Variants in DHX15 observed in about 807,000 individuals in gnomAD.
The protein encoded by DHX15 is ATP-dependent RNA helicase DHX15.
DHX15 carries 11 observed loss-of-function variants against 94.4 expected under a neutral mutation model. That is an observed-to-expected ratio of 0.12 (90% CI 0.07 to 0.19). The LOEUF (loss-of-function observed/expected upper bound fraction) is 0.19, where lower values mean the gene tolerates loss of function less well. Among genes scored for constraint, DHX15 ranks in the 10% least tolerant of loss-of-function variants. The pLI is 1.00. For missense variants in DHX15, 304 were observed against 988.5 expected, an observed-to-expected ratio of 0.31 and a Z score of 9.29; for synonymous variants, 338 against 329.9, an observed-to-expected ratio of 1.02 and a Z score of -0.27.
chr4:24,584,469 T>TA lies in DHX15; in HGVS notation c.-77dup. 1 of 1,432,176 alleles carries TA rather than the reference T, an allele frequency of 7.0e-7. No homozygotes were observed. The highest frequency in any genetic ancestry group is 1.2e-5 in the South Asian group (1 of 81,264). 88.7% of individuals were successfully genotyped at this position (1,432,176 alleles called of 1,614,324 possible). A position where few individuals can be genotyped will look rare whatever the true frequency, so the allele number is the denominator to read the frequency against. ...ATGGGCACAGTCGAGGACAGCCACTTAACTCTGGAGGACCCCCACCCCTCC... is the reference window on the plus strand; with the variant it reads ...ATGGGCACAGTCGAGGACAGCCACTTAAACTCTGGAGGACCCCCACCCCTCC... On this transcript the variant is annotated 5_prime_UTR_variant, in exon 1 of 14. Coordinates refer to ENST00000336812, the MANE Select transcript of DHX15 (RefSeq NM_001358.3).
intron 12 of DHX15, 30 bp downstream of exon 12, chr4:24,532,834 T>C: frequency 2.0e-6 from 3 of 1,493,040 alleles, no homozygotes; most frequent in East Asian, 2.3e-5. Flanking sequence ...TATGAATACT[T>C]AGTTATTCAT....
chr4:24,568,123 A>T (rs1003141964), intron 3 of DHX15, among the ~76,000 whole-genome samples: 5 of 152,208 alleles, frequency 3.3e-5, no homozygotes, highest in Admixed American at 3.3e-4. Context: ...AAATGCTCTC[A>T]AACTATGGTT....
At chr4:24,584,166 G>A in intron 1 of DHX15, 157 bp downstream of exon 1, 1 of 757,536 alleles carries the variant, frequency 1.3e-6, no homozygotes, top group East Asian at 2.9e-5. Context: ...GGCCGAACGG[G>A]CGCCGCGCTT....
intron 2 of DHX15, among the ~76,000 whole-genome samples, chr4:24,573,230 G>A (rs1249310399): frequency 6.6e-6 from 1 of 152,164 alleles, no homozygotes; most frequent in Non-Finnish European, 1.5e-5. Flanking sequence ...TTATTCTAAA[G>A]CCATTCCTCC....
At chr4:24,582,947 G>A (rs150555735) in intron 1 of DHX15, among the ~76,000 whole-genome samples, 1 of 152,268 alleles carries the variant, frequency 6.6e-6, no homozygotes, top group African/African-American at 2.4e-5. Context: ...AAATTAAAAT[G>A]TGACATGCTT....
At chr4:24,540,752 AAT>A (rs1721292644) in intron 9 of DHX15, 86 bp downstream of exon 9, 5 of 701,310 alleles carry the variant, frequency 7.1e-6, no homozygotes, top group Non-Finnish European at 1.2e-5. Flanking sequence ...AAATGTATTT[AAT>A]ACATATATTA....
chr4:24,553,265 G>A lies in DHX15; in HGVS notation c.1080+1460C>T, dbSNP rs953442641. Among the ~76,000 whole-genome samples, 6 of 152,266 alleles carry A rather than the reference G, an allele frequency of 3.9e-5. No homozygotes were observed. The East Asian group carries it at 5.8e-4, about 15-fold the overall frequency. On this transcript the variant is annotated intron_variant, in intron 5 of 13. Coordinates refer to ENST00000336812, the MANE Select transcript of DHX15 (RefSeq NM_001358.3). ...GAACCTGGGAGGCAGAGGTTGCGGT[G>A]AGCCGAGATCGCGCCACTGCACTCC...
chr4:24,559,508 T>TA (rs1721817480), intron 3 of DHX15, among the ~76,000 whole-genome samples: 1 of 151,912 alleles, frequency 6.6e-6, no homozygotes, highest in Admixed American at 6.5e-5. Flanking sequence ...GCACTGGAGA[T>TA]AAAAACTACA....
intron 5 of DHX15, among the ~76,000 whole-genome samples, chr4:24,552,787 A>G (rs1721635656): frequency 1.3e-5 from 2 of 152,218 alleles, no homozygotes; most frequent in Admixed American, 1.3e-4. Flanking sequence ...GGTATGCAAA[A>G]AAACAGCTGA....
At chr4:24,552,411 TC>T (rs1297500485) in intron 5 of DHX15, among the ~76,000 whole-genome samples, 1 of 152,248 alleles carries the variant, frequency 6.6e-6, no homozygotes, top group African/African-American at 2.4e-5. Context: ...CTAATTACTA[TC>T]TAGGCAACAC....
chr4:24,537,342 C>A lies in DHX15; in HGVS notation c.1787-169G>T, dbSNP rs1051562603. On this transcript the variant is annotated intron_variant, in intron 10 of 13. Transcript: ENST00000336812. This position sits in a 1 kb window ranked among gnomAD's most constrained non-coding sequence, Gnocchi z 4.7. ...ACTACCTTGATTTGGTACATCAACA[C>A]CTAACCACATCTGTAAGACAAGAGG... The A allele has an allele frequency of 4.3e-6, 3 of 700,172 alleles. No individual in the cohort carries two copies. Among genetic ancestry groups the A allele is most frequent in the Non-Finnish European group, 6.7e-6 (3 of 447,400 alleles). The allele number at this position is 700,172 out of a possible 1,614,324, so 43.4% of individuals were successfully genotyped here. A position where few individuals can be genotyped will look rare whatever the true frequency, so the allele number is the denominator to read the frequency against.
intron 8 of DHX15, 138 bp downstream of exon 8, chr4:24,541,735 A>T: frequency 1.2e-6 from 1 of 849,372 alleles, no homozygotes. Flanking sequence ...TAATTACACC[A>T]TACATTTCAC....
chr4:24,576,189 A>G (rs1722263480), intron 2 of DHX15, 54 bp downstream of exon 2: 1 of 1,444,818 alleles, frequency 6.9e-7, no homozygotes, highest in Non-Finnish European at 9.6e-7. Context: ...AATATGCAAC[A>G]TTTGGTAAAC....
intron 2 of DHX15, among the ~76,000 whole-genome samples, chr4:24,573,888 G>A (rs1206403982): frequency 6.6e-6 from 1 of 152,002 alleles, no homozygotes; most frequent in Non-Finnish European, 1.5e-5. Context: ...TGTCTTTATT[G>A]TAGGTCTGTC....
At chr4:24,583,114 C>T (rs190669107) in intron 1 of DHX15, among the ~76,000 whole-genome samples, 1 of 152,302 alleles carries the variant, frequency 6.6e-6, no homozygotes, top group Admixed American at 6.5e-5. Flanking sequence ...GGTGACTTGA[C>T]ACAGTGATTC....
intron 3 of DHX15, among the ~76,000 whole-genome samples, chr4:24,565,150 T>C (rs1416907466): frequency 6.6e-6 from 1 of 152,226 alleles, no homozygotes; most frequent in African/African-American, 2.4e-5. Context: ...GTGTAGGGTG[T>C]AGGTTCTACT....
chr4:24,538,834 C>G (rs1350681023), intron 10 of DHX15: 1 of 151,990 alleles, frequency 6.6e-6, no homozygotes. Context: ...TAAACTCAAA[C>G]AACAGTAATC....
At chr4:24,561,476 T>G (rs1201088378) in intron 3 of DHX15, among the ~76,000 whole-genome samples, 1 of 152,156 alleles carries the variant, frequency 6.6e-6, no homozygotes, top group Non-Finnish European at 1.5e-5. Flanking sequence ...ATATAAACCC[T>G]TCTACCATAA....
intron 7 of DHX15, 27 bp downstream of exon 7, chr4:24,542,912 AT>A: frequency 6.4e-7 from 1 of 1,550,610 alleles, no homozygotes; most frequent in Non-Finnish European, 8.9e-7. Context: ...ACCAACTCTA[AT>A]TTATAAAGTA....
Sources: allele counts gnomAD v4.1 joint callset (sites outside exome capture counted in the v4.1 genomes callset), GRCh38; gene constraint gnomAD v4.1.1; non-coding constraint Gnocchi (gnomAD v3.1); transcripts MANE v1.5; gene names NCBI Gene and HGNC (gene_info 2026-07-23, HGNC 2026-07-21).